Variants in YWHAE observed in about 807,000 individuals in gnomAD.
YWHAE encodes tyrosine 3-monooxygenase/tryptophan 5-monooxygenase activation protein epsilon.
A neutral mutation model predicts 30.1 loss-of-function variants in YWHAE; 4 were observed. The observed-to-expected ratio is 0.13, with a 90% CI of 0.07 to 0.30. The LOEUF (loss-of-function observed/expected upper bound fraction) is 0.30. Among genes scored for constraint, YWHAE ranks in the 10% least tolerant of loss-of-function variants. The pLI is 1.00. For synonymous variants in YWHAE, 118 were observed against 111.8 expected (o/e 1.06, Z -0.35); for missense variants, 121 against 315.9 (o/e 0.38, Z 4.68).
chr17:1,373,813 G>A (rs903634780), intron 1 of YWHAE, among the ~76,000 whole-genome samples: 14 of 152,280 alleles, frequency 9.2e-5, no homozygotes, highest in African/African-American at 3.4e-4. Flanking sequence ...CTGTAAAAAT[G>A]TAGTATCTGT....
intron 1 of YWHAE, among the ~76,000 whole-genome samples, chr17:1,378,660 A>G (rs1210553382): frequency 1.3e-5 from 2 of 152,220 alleles, no homozygotes; most frequent in African/African-American, 4.8e-5. Context: ...GAAATTCAGT[A>G]CAGGCCAGGC....
chr17:1,353,467 A>T (rs907296617), intron 5 of YWHAE, among the ~76,000 whole-genome samples: 1 of 148,844 alleles, frequency 6.7e-6, no homozygotes, highest in African/African-American at 2.5e-5. Context: ...AAAAGAAAAG[A>T]AAAGAATAAA....
chr17:1,345,309 C>T lies in YWHAE; in HGVS notation c.*138G>A, dbSNP rs918840272. 1.0e-5 allele frequency: 6 copies of T among 586,506 alleles called. No homozygotes were observed. The highest frequency in any genetic ancestry group is 1.6e-5 in the Non-Finnish European group (6 of 374,754). The allele number at this position is 586,506 out of a possible 1,614,324, so 36.3% of individuals were successfully genotyped here. A position where few individuals can be genotyped will look rare whatever the true frequency, so the allele number is the denominator to read the frequency against. Reference sequence around the variant, plus strand: ...CTGTTTAAAAAAAAAAAAAAAAAACCAACAGGGCAGGAACCTAAATTCTGA... The same window carrying T: ...CTGTTTAAAAAAAAAAAAAAAAAACTAACAGGGCAGGAACCTAAATTCTGA... On this transcript the variant is annotated 3_prime_UTR_variant, in exon 6 of 6. Transcript: ENST00000264335.
rs55734488 is a variant in YWHAE at position 1,361,317 on chromosome 17, TAAAAA to T, written c.372-24_372-20del. The T allele has an allele frequency of 2.2e-6, 3 of 1,358,838 alleles. No individual in the cohort carries two copies. In the Admixed American group the frequency reaches 7.6e-5, roughly 34 times the overall value. 84.2% of individuals were successfully genotyped at this position (1,358,838 alleles called of 1,614,324 possible). On this transcript the variant is annotated intron_variant, in intron 3 of 5. Coordinates refer to ENST00000264335, the MANE Select transcript of YWHAE (RefSeq NM_006761.5). Reference sequence around the variant, plus strand: ...CCCTTTCCTAAAACAAAACCAAAATTAAAAAAAAAAAAAAAATTTAAACTAGGAAC... The same window carrying T: ...CCCTTTCCTAAAACAAAACCAAAATTAAAAAAAAAAATTTAAACTAGGAAC...
intron 5 of YWHAE, among the ~76,000 whole-genome samples, chr17:1,350,005 TGCAACGGC>T (rs1460294717): frequency 6.7e-6 from 1 of 148,410 alleles, no homozygotes; most frequent in Non-Finnish European, 1.5e-5. Context: ...CAGGCTGGAG[TGCAACGGC>T]GCGATCTCAG....
intron 3 of YWHAE, 164 bp downstream of exon 3, chr17:1,361,738 C>CATTT: frequency 1.9e-6 from 1 of 540,072 alleles, no homozygotes; most frequent in Non-Finnish European, 3.3e-6. Context: ...AAAGCTAATA[C>CATTT]ATTTTCATAA....
At chr17:1,359,944 G>C (rs1403302995) in intron 4 of YWHAE, among the ~76,000 whole-genome samples, 2 of 74,876 alleles carry the variant, frequency 2.7e-5, no homozygotes, top group African/African-American at 5.3e-5. Flanking sequence ...AGGAGGGGGA[G>C]GGGGGGAGAG....
At chr17:1,388,113 G>GTTTGTTTTTTTTTTT (rs1491500441) in intron 1 of YWHAE, among the ~76,000 whole-genome samples, 1 of 35,122 alleles carries the variant, frequency 2.8e-5, no homozygotes, top group Non-Finnish European at 4.9e-5. Flanking sequence ...TTTTTTTTTT[G>GTTTGTTTTTTTTTTT]GTTGGTTTTT....
At position 1,383,872 on chromosome 17, in the gene YWHAE, G is replaced by A. The variant is rs986557472; in HGVS notation, c.64+16175C>T. 5.9e-5 allele frequency among the ~76,000 whole-genome samples: 9 copies of A among 152,058 alleles called. No individual in the cohort carries two copies. In the South Asian group the frequency reaches 1.2e-3, roughly 21 times the overall value. ...GCCCAAGAGTTCAAGACCGGCCTGGGCAATATGGCAAGACCCCATCTCTTC... is the reference window on the plus strand; with the variant it reads ...GCCCAAGAGTTCAAGACCGGCCTGGACAATATGGCAAGACCCCATCTCTTC... On this transcript the variant is annotated intron_variant, in intron 1 of 5. Transcript: ENST00000264335.
At position 1,361,892 on chromosome 17, in the gene YWHAE, T is replaced by C. The variant is rs757422696; in HGVS notation, c.371+10A>G. 3.2e-6 allele frequency: 5 copies of C among 1,574,268 alleles called. No individual in the cohort carries two copies. Among genetic ancestry groups the C allele is most frequent in the South Asian group, 2.4e-5 (2 of 84,964 alleles). The stretch of plus-strand genomic sequence containing the variant: ...CAATCTTACATTTTCCCTTCTAGTA[T>C]AGAACCTACATTTTATAATAGAAAA... On this transcript the variant is annotated intron_variant, in intron 3 of 5. Coordinates refer to ENST00000264335, the MANE Select transcript of YWHAE (RefSeq NM_006761.5).
intron 4 of YWHAE, among the ~76,000 whole-genome samples, chr17:1,359,826 G>GTT (rs2072827063): frequency 8.9e-6 from 1 of 112,242 alleles, no homozygotes; most frequent in South Asian, 2.7e-4. Flanking sequence ...GTGTGTGTGT[G>GTT]TGTGTGTGTG....
intron 1 of YWHAE, among the ~76,000 whole-genome samples, chr17:1,394,459 A>AAAC (rs1760052982): frequency 2.2e-5 from 3 of 139,004 alleles, no homozygotes; most frequent in Admixed American, 7.7e-5. Context: ...AAAAAAAAAA[A>AAAC]AACACAAAAA....
At chr17:1,373,576 G>C (rs2073076439) in intron 1 of YWHAE, among the ~76,000 whole-genome samples, 1 of 151,996 alleles carries the variant, frequency 6.6e-6, no homozygotes, top group Non-Finnish European at 1.5e-5. Flanking sequence ...GCTGAGGCAG[G>C]AGAATTGCGT....
chr17:1,397,789 T>A (rs2150882722), intron 1 of YWHAE, among the ~76,000 whole-genome samples: 1 of 152,206 alleles, frequency 6.6e-6, no homozygotes, highest in South Asian at 2.1e-4. Flanking sequence ...GGTTTCTGTC[T>A]CCTCCTCCTC....
intron 1 of YWHAE, among the ~76,000 whole-genome samples, chr17:1,380,080 A>G (rs1004942746): frequency 6.6e-6 from 1 of 150,818 alleles, no homozygotes; most frequent in African/African-American, 2.4e-5. Flanking sequence ...CACCACACTT[A>G]CAGCAAAGAG....
chr17:1,352,846 A>T (rs372018733), intron 5 of YWHAE, among the ~76,000 whole-genome samples: 16 of 152,112 alleles, frequency 1.1e-4, no homozygotes, highest in East Asian at 3.9e-4. Context: ...ACATTCTTAA[A>T]GGAACCGCAG....
intron 1 of YWHAE, among the ~76,000 whole-genome samples, chr17:1,392,899 T>C (rs528823581): frequency 1.3e-5 from 2 of 150,980 alleles, no homozygotes; most frequent in Admixed American, 6.6e-5. Flanking sequence ...AACAACTTAA[T>C]AGCATTCACT....
intron 1 of YWHAE, among the ~76,000 whole-genome samples, chr17:1,394,951 A>G (rs976520538): frequency 1.3e-5 from 2 of 152,202 alleles, no homozygotes; most frequent in Non-Finnish European, 2.9e-5. Context: ...TAGGTGACAG[A>G]GCAAGACTGT....
chr17:1,389,819 C>T (rs2073362628), intron 1 of YWHAE, among the ~76,000 whole-genome samples: 1 of 151,270 alleles, frequency 6.6e-6, no homozygotes, highest in Middle Eastern at 3.5e-3. Flanking sequence ...CGTGAGCCAC[C>T]GTACCTGGCC....
Sources: allele counts gnomAD v4.1 joint callset (sites outside exome capture counted in the v4.1 genomes callset), GRCh38; gene constraint gnomAD v4.1.1; transcripts MANE v1.5; gene names NCBI Gene and HGNC (gene_info 2026-07-23, HGNC 2026-07-21).